The following MMD2 variants were observed in gnomAD, a reference collection of about 807,000 sequenced individuals.
The protein encoded by MMD2 is monocyte to macrophage differentiation factor 2.
Under a neutral mutation model 33.5 loss-of-function variants are expected in MMD2, and 30 were observed. The ratio of observed to expected loss-of-function variants is 0.90; its 90% CI spans 0.67 to 1.22. The LOEUF is 1.22. Among genes scored for constraint, MMD2 ranks in the 50% most tolerant of loss-of-function variants. MMD2 has a pLI of 0.00. For missense variants in MMD2, 364 were observed against 325.4 expected, an observed-to-expected ratio of 1.12 and a Z score of -0.91; for synonymous variants, 129 against 123.0, an observed-to-expected ratio of 1.05 and a Z score of -0.32.
downstream of MMD2, among the ~76,000 whole-genome samples, chr7:4,905,198 C>T (rs555117791): frequency 1.3e-5 from 2 of 149,606 alleles, no homozygotes; most frequent in South Asian, 4.2e-4. The surrounding 1 kb of genome is among the most constrained non-coding windows in gnomAD (Gnocchi z 5.0). Flanking sequence ...CCAAGTCATC[C>T]AAATAGGAAA....
chr7:4,902,591 C>T (rs2115076948), downstream of MMD2, among the ~76,000 whole-genome samples: 1 of 152,342 alleles, frequency 6.6e-6, no homozygotes, highest in African/African-American at 2.4e-5. Context: ...CCTCTGCCTG[C>T]CCCGCTTCCA....
intron 3 of MMD2, among the ~76,000 whole-genome samples, chr7:4,917,567 C>A (rs947565415): frequency 1.3e-5 from 2 of 152,040 alleles, no homozygotes; most frequent in Non-Finnish European, 2.9e-5. Flanking sequence ...TGGTGGGCAC[C>A]TGCAGTCCCA....
chr7:4,909,603 C>T, intron 6 of MMD2: 2 of 630,396 alleles, frequency 3.2e-6, no homozygotes, highest in Non-Finnish European at 5.7e-6. Flanking sequence ...CCACATCTGG[C>T]TAATTTTTTT....
chr7:4,953,116 C>A (rs200921085), intron 1 of MMD2, among the ~76,000 whole-genome samples: 1 of 151,872 alleles, frequency 6.6e-6, no homozygotes, highest in East Asian at 1.9e-4. Flanking sequence ...CCATGCCCAG[C>A]CAAGGAAGTC....
At chr7:4,955,135 G>A (rs1438146073) in intron 1 of MMD2, among the ~76,000 whole-genome samples, 3 of 152,184 alleles carry the variant, frequency 2.0e-5, no homozygotes, top group Non-Finnish European at 4.4e-5. Flanking sequence ...GGGATTACGG[G>A]CACGTGCTAC....
chr7:4,931,709 T>C (rs950330294), intron 1 of MMD2, among the ~76,000 whole-genome samples: 2 of 151,654 alleles, frequency 1.3e-5, no homozygotes, highest in African/African-American at 2.4e-5. Context: ...AGATTACAGG[T>C]ACATGCCACC....
chr7:4,946,112 C>G lies in MMD2; in HGVS notation c.47+12859G>C, dbSNP rs1296561486. Among the ~76,000 whole-genome samples the G allele has an allele frequency of 6.6e-6, 1 of 151,090 alleles. No individual in the cohort carries two copies. Among genetic ancestry groups the G allele is most frequent in the Non-Finnish European group, 1.5e-5 (1 of 67,666 alleles). ...ACGCACACACACGCATGCACACGCG[C>G]ACACGCACGCACACACCTGCACACG... On this transcript the variant is annotated intron_variant, in intron 1 of 6. Transcript: ENST00000401401. This position sits in a 1 kb window ranked among gnomAD's most constrained non-coding sequence, Gnocchi z 5.0.
chr7:4,900,141 A>C, the MMD2 span, among the ~76,000 whole-genome samples: 1 of 152,076 alleles, frequency 6.6e-6, no homozygotes, highest in Admixed American at 6.6e-5. Context: ...TCTCTACTAA[A>C]AATGCAAAAA....
chr7:4,920,303 C>G lies in MMD2; in HGVS notation c.158G>C (p.Ser53Thr). ...AFWIIPSILG[S>T]SNLYFLSDDD... ...GTCCGACAGGAAGTAGAGGTTGGAGCTGCCCAGGATGCTGGGGATGATCCA... is the reference window on the plus strand; with the variant it reads ...GTCCGACAGGAAGTAGAGGTTGGAGGTGCCCAGGATGCTGGGGATGATCCA... The change falls in exon 3 of 7, where the codon AGC becomes ACC. Residue 53 changes from serine to threonine, a missense_variant. Physicochemically the swap from Ser to Thr is moderately conservative, Grantham distance 58 (BLOSUM62 1). Coordinates refer to ENST00000401401, the MANE Select transcript of MMD2 (RefSeq NM_198403.4). 6.2e-7 allele frequency: 1 copy of G among 1,609,390 alleles called. No homozygotes were observed. The highest frequency in any genetic ancestry group is 2.2e-5 in the East Asian group (1 of 44,770).
intron 4 of MMD2, among the ~76,000 whole-genome samples, chr7:4,915,556 A>G (rs1231122965): frequency 1.3e-5 from 2 of 151,982 alleles, no homozygotes; most frequent in Non-Finnish European, 2.9e-5. Context: ...CCTGGCCAAC[A>G]TGGTGAAACC....
intron 2 of MMD2, among the ~76,000 whole-genome samples, chr7:4,924,953 C>T (rs532367086): frequency 1.3e-5 from 2 of 152,032 alleles, no homozygotes; most frequent in Non-Finnish European, 2.9e-5. Context: ...GTTTTTGAGA[C>T]AGGGTCTTGC....
chr7:4,938,936 G>C (rs1033739621), intron 1 of MMD2, among the ~76,000 whole-genome samples: 3 of 151,878 alleles, frequency 2.0e-5, no homozygotes, highest in Non-Finnish European at 4.4e-5. Context: ...GGCTGGGCTC[G>C]ATGGCTCACG....
chr7:4,895,598 G>A, the MMD2 span, among the ~76,000 whole-genome samples: 4 of 151,518 alleles, frequency 2.6e-5, no homozygotes, highest in Non-Finnish European at 2.9e-5. Flanking sequence ...GTGCAGTGGC[G>A]AGATTTCAGC....
chr7:4,955,224 A>G (rs1562498709), intron 1 of MMD2, among the ~76,000 whole-genome samples: 1 of 152,186 alleles, frequency 6.6e-6, no homozygotes, highest in Non-Finnish European at 1.5e-5. Context: ...CAATTTGCCC[A>G]GCCATGCACC....
At chr7:4,904,841 G>A (rs1256862349), downstream of MMD2, among the ~76,000 whole-genome samples, 1 of 152,182 alleles carries the variant, frequency 6.6e-6, no homozygotes, top group Non-Finnish European at 1.5e-5. Context: ...CCAGGCCTGG[G>A]ACCAGTGCAA....
the MMD2 span, among the ~76,000 whole-genome samples, chr7:4,893,024 G>A: frequency 8.7e-3 from 1,325 of 152,164 alleles, 18 homozygotes; most frequent in African/African-American, 0.03. Flanking sequence ...GACTAATTGC[G>A]GTTTCTAAGA....
rs761887162 is a variant in MMD2, at chr7:4,909,866, G to C, written c.537+15C>G. On this transcript the variant is annotated intron_variant, in intron 6 of 6. Coordinates refer to ENST00000401401, the MANE Select transcript of MMD2 (RefSeq NM_198403.4). ...TCTTGCAGGGACTCATCTATGCAGGGCTGGCAGCACTTACCATGGAGAGGA... is the reference window on the plus strand; with the variant it reads ...TCTTGCAGGGACTCATCTATGCAGGCCTGGCAGCACTTACCATGGAGAGGA... 17 of 1,606,014 alleles carry C rather than the reference G, an allele frequency of 1.1e-5. No individual in the cohort carries two copies. Among genetic ancestry groups the C allele is most frequent in the Non-Finnish European group, 1.4e-5 (17 of 1,176,412 alleles).
chr7:4,928,341 C>T (rs1234022106), intron 1 of MMD2, among the ~76,000 whole-genome samples: 1 of 152,080 alleles, frequency 6.6e-6, no homozygotes, highest in East Asian at 1.9e-4. Flanking sequence ...AGCATTTATT[C>T]AGCATCTCCG....
At chr7:4,920,378 CAG>C in intron 2 of MMD2, 47 bp from the exon 3 acceptor site, 1 of 1,571,694 alleles carries the variant, frequency 6.4e-7, no homozygotes, top group Non-Finnish European at 8.6e-7. Flanking sequence ...CTGGGTGGCT[CAG>C]AGCACACCTC....
Sources: gnomAD v4.1 joint callset for allele counts (sites outside exome capture counted in the v4.1 genomes callset) on GRCh38, gnomAD v4.1.1 for gene constraint, Gnocchi (gnomAD v3.1) non-coding constraint, MANE v1.5 for transcripts, NCBI Gene and HGNC (gene_info 2026-07-23, HGNC 2026-07-21) for gene names.